Variants in NRF1 observed in about 807,000 individuals in gnomAD.
NRF1 encodes alpha palindromic-binding protein.
In NRF1, 5 loss-of-function variants were observed where a neutral mutation model predicts 58.5. The observed-to-expected ratio is 0.09, with a 90% confidence interval of 0.04 to 0.18. The LOEUF is 0.18. Among genes scored for constraint, NRF1 ranks in the 10% least tolerant of loss-of-function variants. The probability of loss-of-function intolerance (pLI) is 1.00; values close to 1 mark genes in which losing one functional copy is unlikely to be tolerated. For synonymous variants in NRF1, 224 were observed against 246.7 expected (o/e 0.91, Z 0.86); for missense variants, 288 against 657.7 (o/e 0.44, Z 6.15).
At chr7:129,657,600 T>C in intron 2 of NRF1, 26 bp downstream of exon 2, 1 of 1,479,668 alleles carries the variant, frequency 6.8e-7, no homozygotes, top group Non-Finnish European at 9.1e-7. Flanking sequence ...TTAGAAGCTC[T>C]TCTTTAATTT....
At chr7:129,680,268 G>C (rs1802278720) in intron 4 of NRF1, among the ~76,000 whole-genome samples, 1 of 151,974 alleles carries the variant, frequency 6.6e-6, no homozygotes, top group East Asian at 1.9e-4. Flanking sequence ...AGTCATTAGG[G>C]AAATGAAAAT....
intron 9 of NRF1, among the ~76,000 whole-genome samples, chr7:129,718,388 G>A (rs182660234): frequency 1.4e-4 from 22 of 152,228 alleles, no homozygotes; most frequent in African/African-American, 4.8e-5. Flanking sequence ...CATTCTTCTA[G>A]GAGTGTTATG....
At chr7:129,650,360 T>G (rs1801507865) in intron 1 of NRF1, among the ~76,000 whole-genome samples, 1 of 152,170 alleles carries the variant, frequency 6.6e-6, no homozygotes, top group Admixed American at 6.5e-5. Flanking sequence ...CTCTTCATTT[T>G]GTGCACTGTT....
chr7:129,638,471 T>C (rs1032612275), intron 1 of NRF1, among the ~76,000 whole-genome samples: 3 of 152,194 alleles, frequency 2.0e-5, no homozygotes, highest in African/African-American at 7.2e-5. Flanking sequence ...GGACATCCAT[T>C]GTGGCCAGGA....
intron 10 of NRF1, among the ~76,000 whole-genome samples, chr7:129,753,973 CA>C (rs140937748): frequency 0.052 from 7,842 of 152,010 alleles, 252 homozygotes; most frequent in Middle Eastern, 0.15. Context: ...GCAGTGTAGC[CA>C]AATATCAAAG....
At chr7:129,674,154 G>C (rs1284557684) in intron 3 of NRF1, among the ~76,000 whole-genome samples, 2 of 150,942 alleles carry the variant, frequency 1.3e-5, no homozygotes, top group Non-Finnish European at 3.0e-5. Flanking sequence ...AAAAAAAAAA[G>C]CTGTTTTCAT....
chr7:129,614,740 T>G (rs1800626512), intron 1 of NRF1, among the ~76,000 whole-genome samples: 1 of 152,232 alleles, frequency 6.6e-6, no homozygotes, highest in African/African-American at 2.4e-5. Context: ...ATTTCAGGTT[T>G]CCTTCTGAAT....
chr7:129,671,085 C>G (rs1475337124), intron 2 of NRF1, among the ~76,000 whole-genome samples: 1 of 152,160 alleles, frequency 6.6e-6, no homozygotes, highest in Non-Finnish European at 1.5e-5. Flanking sequence ...CCTCTCAGTG[C>G]TACAATTTTT....
intron 2 of NRF1, among the ~76,000 whole-genome samples, chr7:129,659,204 G>A (rs1053731919): frequency 9.5e-5 from 14 of 147,748 alleles, no homozygotes; most frequent in Admixed American, 6.8e-5. Flanking sequence ...TCAGCCTCCC[G>A]AGTAGCTGGG....
intron 10 of NRF1, among the ~76,000 whole-genome samples, chr7:129,744,925 T>A (rs1204814430): frequency 6.6e-6 from 1 of 151,738 alleles, no homozygotes; most frequent in Non-Finnish European, 1.5e-5. Flanking sequence ...AGGGACTGGA[T>A]GACAGGCACA....
At chr7:129,689,826 T>C (rs1802524101) in intron 4 of NRF1, among the ~76,000 whole-genome samples, 1 of 152,238 alleles carries the variant, frequency 6.6e-6, no homozygotes, top group Non-Finnish European at 1.5e-5. Context: ...GCCCGGGCCT[T>C]ACCAGTAGTG....
At chr7:129,706,857 A>G (rs1332797713) in intron 5 of NRF1, among the ~76,000 whole-genome samples, 1 of 152,222 alleles carries the variant, frequency 6.6e-6, no homozygotes, top group Non-Finnish European at 1.5e-5. Context: ...AGAGGGTTCC[A>G]GGTGGATCTG....
In NRF1 at chr7:129,618,763, T is replaced by C. The variant is rs181200727; in HGVS notation, c.-7+6939T>C. Among the ~76,000 whole-genome samples the C allele has an allele frequency of 1.5e-3, 236 of 152,270 alleles. 4 individuals are homozygous for C. Among genetic ancestry groups the C allele is most frequent in the Admixed American group, 0.015 (230 of 15,286 alleles). On this transcript the variant is annotated intron_variant, in intron 1 of 10. Transcript: ENST00000393232. ...CAAAATGCTTAGGACCAGAAATGTTTTGGAGTTTTTTTTGACTTTGTAATG... is the reference window on the plus strand; with the variant it reads ...CAAAATGCTTAGGACCAGAAATGTTCTGGAGTTTTTTTTGACTTTGTAATG...
chr7:129,702,351 G>A (rs951341696), intron 5 of NRF1, among the ~76,000 whole-genome samples: 2 of 152,202 alleles, frequency 1.3e-5, no homozygotes, highest in Non-Finnish European at 2.9e-5. Flanking sequence ...TGTCTCCATT[G>A]ACTGGCCTTC....
At chr7:129,719,548 C>G (rs1291249112) in intron 9 of NRF1, among the ~76,000 whole-genome samples, 1 of 106,848 alleles carries the variant, frequency 9.4e-6, no homozygotes, top group Non-Finnish European at 2.3e-5. Flanking sequence ...ACACACAACA[C>G]ATCTTCTCAG....
chr7:129,614,005 C>G (rs1028509551), intron 1 of NRF1, among the ~76,000 whole-genome samples: 1 of 152,156 alleles, frequency 6.6e-6, no homozygotes, highest in Non-Finnish European at 1.5e-5. Flanking sequence ...GCCTCAAACT[C>G]GACATATAGG....
At chr7:129,727,998 T>TA (rs1044741249) in intron 10 of NRF1, among the ~76,000 whole-genome samples, 1 of 152,010 alleles carries the variant, frequency 6.6e-6, no homozygotes, top group African/African-American at 2.4e-5. Flanking sequence ...TTCATAGAAA[T>TA]ATGGTGGCAA....
intron 1 of NRF1, among the ~76,000 whole-genome samples, chr7:129,632,012 T>A (rs1440675780): frequency 6.6e-6 from 1 of 152,220 alleles, no homozygotes; most frequent in Non-Finnish European, 1.5e-5. Flanking sequence ...TAGTGGCTTG[T>A]GTCTGTAATC....
intron 1 of NRF1, among the ~76,000 whole-genome samples, chr7:129,617,158 A>T (rs1800676155): frequency 6.6e-6 from 1 of 152,208 alleles, no homozygotes; most frequent in Admixed American, 6.5e-5. Flanking sequence ...GGGATAAACT[A>T]TGCCAAGCCA....
Sources: gnomAD v4.1 joint callset for allele counts (sites outside exome capture counted in the v4.1 genomes callset) on GRCh38, gnomAD v4.1.1 for gene constraint, MANE v1.5 for transcripts, NCBI Gene and HGNC (gene_info 2026-07-23, HGNC 2026-07-21) for gene names.